AP3B1: variants seen among roughly 807,000 people sequenced by gnomAD.
The protein encoded by AP3B1 is AP-3 complex subunit beta-1.
Under a neutral mutation model 132.5 loss-of-function variants are expected in AP3B1, and 61 were observed. The ratio of observed to expected loss-of-function variants is 0.46; its 90% CI spans 0.37 to 0.57. AP3B1 has a LOEUF of 0.57. Among genes scored for constraint, AP3B1 ranks in the 20% least tolerant of loss-of-function variants. The pLI, the probability that AP3B1 is intolerant of heterozygous loss-of-function variation, is 0.00. For missense variants in AP3B1, 1,120 were observed against 1,289.4 expected, an observed-to-expected ratio of 0.87 and a Z score of 2.01; for synonymous variants, 388 against 438.3, an observed-to-expected ratio of 0.89 and a Z score of 1.43.
At chr5:78,125,630 T>G (rs528102074) in intron 17 of AP3B1, among the ~76,000 whole-genome samples, 3 of 152,180 alleles carry the variant, frequency 2.0e-5, no homozygotes, top group Non-Finnish European at 4.4e-5. Context: ...TTTAAGCCAA[T>G]TGTCTCAGAG....
intron 22 of AP3B1, among the ~76,000 whole-genome samples, chr5:78,085,562 G>A (rs188954683): frequency 1.5e-4 from 23 of 152,202 alleles, no homozygotes; most frequent in Non-Finnish European, 2.5e-4. Flanking sequence ...ATTCTCCTAC[G>A]AGTAAGCACT....
chr5:78,132,149 C>CA (rs1164555490), intron 15 of AP3B1, among the ~76,000 whole-genome samples: 1 of 152,150 alleles, frequency 6.6e-6, no homozygotes, highest in African/African-American at 2.4e-5. Flanking sequence ...GTAAATGTGA[C>CA]AACTACGGTT....
intron 26 of AP3B1, among the ~76,000 whole-genome samples, chr5:78,005,800 C>G (rs555775918): frequency 6.6e-6 from 1 of 152,274 alleles, no homozygotes; most frequent in East Asian, 1.9e-4. Context: ...AAGGCAAAAA[C>G]CACTACCCCA....
intron 6 of AP3B1, among the ~76,000 whole-genome samples, chr5:78,219,644 T>G (rs1424298761): frequency 6.6e-6 from 1 of 152,090 alleles, no homozygotes; most frequent in African/African-American, 2.4e-5. Flanking sequence ...AGGAAAAAAC[T>G]ATTCATATGA....
At chr5:78,086,504 G>A (rs938311363) in intron 22 of AP3B1, among the ~76,000 whole-genome samples, 10 of 152,170 alleles carry the variant, frequency 6.6e-5, no homozygotes, top group African/African-American at 2.4e-4. Flanking sequence ...TTTGTAAAGC[G>A]CAGAACTCTG....
intron 16 of AP3B1, 55 bp from the exon 17 acceptor site, chr5:78,128,215 G>GA: frequency 2.1e-6 from 3 of 1,432,552 alleles, no homozygotes; most frequent in Non-Finnish European, 2.9e-6. Flanking sequence ...ATATAACAGA[G>GA]AACAATCATA....
At position 78,015,391 on chromosome 5, in the gene AP3B1, CGT is replaced by C; in HGVS notation, c.3131+17_3131+18del. On this transcript the variant is annotated intron_variant, in intron 26 of 26. Coordinates refer to ENST00000255194, the MANE Select transcript of AP3B1 (RefSeq NM_003664.5). ...ATTCAAGTCATCTTCACCTCCACAT[CGT>C]GTGTTAGTGAACCTACCTGTGTATA... 1 of 1,612,334 alleles carries C rather than the reference CGT, an allele frequency of 6.2e-7. No homozygotes were observed. The highest frequency in any genetic ancestry group is 8.5e-7 in the Non-Finnish European group (1 of 1,178,576).
At chr5:78,269,417 T>C (rs919545654) in intron 1 of AP3B1, among the ~76,000 whole-genome samples, 1 of 152,156 alleles carries the variant, frequency 6.6e-6, no homozygotes, top group African/African-American at 2.4e-5. Flanking sequence ...TAACTGAACA[T>C]TTAAGGCAAA....
chr5:78,178,869 CAGA>C (rs1437618022), intron 8 of AP3B1, among the ~76,000 whole-genome samples: 2 of 151,812 alleles, frequency 1.3e-5, no homozygotes, highest in East Asian at 3.9e-4. Flanking sequence ...GTATACAGCA[CAGA>C]AGAATGTTTG....
intron 7 of AP3B1, among the ~76,000 whole-genome samples, chr5:78,187,683 T>C (rs1250471937): frequency 6.6e-6 from 1 of 152,182 alleles, no homozygotes; most frequent in African/African-American, 2.4e-5. Context: ...GATTCAATGC[T>C]ATTCCCATTA....
intron 7 of AP3B1, among the ~76,000 whole-genome samples, chr5:78,209,871 T>G (rs898357459): frequency 1.4e-4 from 21 of 152,306 alleles, no homozygotes; most frequent in African/African-American, 5.1e-4. Flanking sequence ...TTTAAAGTTT[T>G]CTTTTTTAAA....
chr5:78,013,296 T>C (rs987189967), intron 26 of AP3B1, among the ~76,000 whole-genome samples: 1 of 152,148 alleles, frequency 6.6e-6, no homozygotes, highest in African/African-American at 2.4e-5. Flanking sequence ...CTACCCACTT[T>C]AGCCTCCCAA....
At chr5:78,200,789 G>C (rs1031473232) in intron 7 of AP3B1, among the ~76,000 whole-genome samples, 1 of 152,088 alleles carries the variant, frequency 6.6e-6, no homozygotes, top group African/African-American at 2.4e-5. Flanking sequence ...TGAGGATGTG[G>C]AGCAAACAAA....
chr5:78,255,750 C>T (rs754904220), intron 2 of AP3B1, among the ~76,000 whole-genome samples: 17 of 152,052 alleles, frequency 1.1e-4, no homozygotes, highest in Non-Finnish European at 1.6e-4. Context: ...GAATCTAATA[C>T]ATATTTACAG....
chr5:78,230,359 TA>T (rs1192056662), intron 3 of AP3B1, among the ~76,000 whole-genome samples: 6 of 152,324 alleles, frequency 3.9e-5, no homozygotes, highest in Admixed American at 3.9e-4. Context: ...ACAAACTTTG[TA>T]CATCTTCATC....
chr5:78,209,576 C>T lies in AP3B1; in HGVS notation c.786+6479G>A, dbSNP rs1016787290. Among the ~76,000 whole-genome samples, 3 of 152,124 alleles carry T rather than the reference C, an allele frequency of 2.0e-5. No homozygotes were observed. The East Asian group carries it at 5.8e-4, about 29-fold the overall frequency. On this transcript the variant is annotated intron_variant, in intron 7 of 26. Coordinates refer to ENST00000255194, the MANE Select transcript of AP3B1 (RefSeq NM_003664.5). ...TACAGGTATTGACTAATGTATTATGCCTCCCTAAAATGTATAAAAGCAAGC... is the reference window on the plus strand; with the variant it reads ...TACAGGTATTGACTAATGTATTATGTCTCCCTAAAATGTATAAAAGCAAGC...
chr5:78,158,369 A>C (rs2112361344), intron 13 of AP3B1, among the ~76,000 whole-genome samples: 1 of 152,232 alleles, frequency 6.6e-6, no homozygotes, highest in South Asian at 2.1e-4. Flanking sequence ...AAGCAGGAGA[A>C]TCACCTGGGC....
rs1343974431 is a variant in AP3B1, at chr5:78,129,140, C to T, written c.1818G>A (p.Leu606=). The T allele has an allele frequency of 6.2e-7, 1 of 1,612,704 alleles. No individual in the cohort carries two copies. The highest frequency in any genetic ancestry group is 8.5e-7 in the Non-Finnish European group (1 of 1,179,282). ...KIFLAQKPAP[L]LESPFKDRDH... is the part of the protein sequence containing the mutation. ...TAATACCTTTAAAAGGAGACTCAAGCAGTGGTGCAGGCTTTTGTGCTAGGA... is the reference window on the plus strand; with the variant it reads ...TAATACCTTTAAAAGGAGACTCAAGTAGTGGTGCAGGCTTTTGTGCTAGGA... Residue 606 remains leucine (L), a synonymous_variant, in exon 16 of 27, where the codon CTG becomes CTA. Coordinates refer to ENST00000255194, the MANE Select transcript of AP3B1 (RefSeq NM_003664.5).
chr5:78,025,992 G>T (rs986674582), intron 24 of AP3B1, among the ~76,000 whole-genome samples: 2 of 152,140 alleles, frequency 1.3e-5, no homozygotes, highest in East Asian at 3.8e-4. Flanking sequence ...AGTGTTCTAG[G>T]ATGTCCTCCA....
Sources: gnomAD v4.1 joint callset for allele counts (sites outside exome capture counted in the v4.1 genomes callset) on GRCh38, gnomAD v4.1.1 for gene constraint, MANE v1.5 for transcripts, NCBI Gene and HGNC (gene_info 2026-07-23, HGNC 2026-07-21) for gene names.